The following MSRB3 variants were observed in gnomAD, a reference collection of about 807,000 sequenced individuals.
MSRB3 encodes methionine-R-sulfoxide reductase B3.
A neutral mutation model predicts 21.0 loss-of-function variants in MSRB3; 13 were observed. That is an observed-to-expected ratio of 0.62 (90% CI 0.40 to 0.98). The LOEUF (loss-of-function observed/expected upper bound fraction) is 0.98, where lower values mean the gene tolerates loss of function less well. Among genes scored for constraint, MSRB3 ranks in the 50% least tolerant of loss-of-function variants. The pLI is 0.00. For synonymous variants in MSRB3, 87 were observed against 88.6 expected, an observed-to-expected ratio of 0.98 and a Z score of 0.10; for missense variants, 199 against 230.3, an observed-to-expected ratio of 0.86 and a Z score of 0.88.
At chr12:65,405,531 A>G (rs1229129257) in intron 5 of MSRB3, among the ~76,000 whole-genome samples, 1 of 152,020 alleles carries the variant, frequency 6.6e-6, no homozygotes. Flanking sequence ...GGCTATTATG[A>G]GTAATGCTGT....
At chr12:65,354,342 T>C (rs902391998) in intron 4 of MSRB3, among the ~76,000 whole-genome samples, 6 of 152,046 alleles carry the variant, frequency 3.9e-5, no homozygotes, top group African/African-American at 7.2e-5. Flanking sequence ...GTTCCATTCT[T>C]CCCGTCACTT....
chr12:65,360,136 G>A (rs1877618768), intron 4 of MSRB3, among the ~76,000 whole-genome samples: 1 of 152,008 alleles, frequency 6.6e-6, no homozygotes, highest in South Asian at 2.1e-4. Flanking sequence ...TTGGATTAGG[G>A]TCCCCCTGGA....
At chr12:65,393,849 T>A (rs1227679645) in intron 5 of MSRB3, among the ~76,000 whole-genome samples, 1 of 152,052 alleles carries the variant, frequency 6.6e-6, no homozygotes, top group East Asian at 1.9e-4. Context: ...TGGATGTGGG[T>A]ACTTCTAGAT....
chr12:65,453,804 G>A lies in MSRB3; in HGVS notation c.369G>A (p.Arg123=), dbSNP rs777748623. ...ATGACTTTTCCTATGGGATGCACAG[G>A]GTGGAAACAAGCTGCTCTCAGGTGA... ...FTDDFSYGMH[R]VETSCSQCGA... is the part of the protein sequence containing the mutation. Residue 123 remains arginine, a synonymous_variant, in exon 6 of 7, where the codon AGG becomes AGA. Transcript: ENST00000308259. 6.2e-7 allele frequency: 1 copy of A among 1,614,006 alleles called. No individual in the cohort carries two copies. Among genetic ancestry groups the A allele is most frequent in the Non-Finnish European group, 8.5e-7 (1 of 1,179,942 alleles).
At chr12:65,349,407 C>T (rs1426577219) in intron 4 of MSRB3, among the ~76,000 whole-genome samples, 1 of 151,854 alleles carries the variant, frequency 6.6e-6, no homozygotes, top group African/African-American at 2.4e-5. Context: ...GATTTATAGT[C>T]CTTTGGGTAT....
In MSRB3 at chr12:65,422,136, G is replaced by GACATTT. The variant is rs562583164; in HGVS notation, c.293-31592_293-31591insACATTT. ...ACAAAGATCAAAAAAGACAAAGAAGGGCATTACATAATGGCAAAGGGCTCA... is the reference window on the plus strand; with the variant it reads ...ACAAAGATCAAAAAAGACAAAGAAGGACATTTGCATTACATAATGGCAAAGGGCTCA... On this transcript the variant is annotated intron_variant, in intron 5 of 6. Transcript: ENST00000308259. 6.0e-3 allele frequency among the ~76,000 whole-genome samples: 905 copies of GACATTT among 151,568 alleles called. 17 individuals carry two copies. The highest frequency in any genetic ancestry group is 0.021 in the African/African-American group (875 of 41,282).
At chr12:65,422,421 TATA>T (rs1565885129) in intron 5 of MSRB3, among the ~76,000 whole-genome samples, 3 of 79,282 alleles carry the variant, frequency 3.8e-5, no homozygotes, top group Admixed American at 1.3e-4. Flanking sequence ...TATATATATA[TATA>T]TATATATTTA....
At chr12:65,335,079 A>G (rs1875673589) in intron 4 of MSRB3, among the ~76,000 whole-genome samples, 1 of 152,194 alleles carries the variant, frequency 6.6e-6, no homozygotes, top group Non-Finnish European at 1.5e-5. Flanking sequence ...CCTGCTGAAT[A>G]TCAGGCCAGA....
intron 5 of MSRB3, among the ~76,000 whole-genome samples, chr12:65,383,746 C>T (rs951357702): frequency 1.8e-4 from 27 of 151,556 alleles, no homozygotes; most frequent in Non-Finnish European, 3.4e-4. Flanking sequence ...CTCCAACCTC[C>T]GCCTCCCTGG....
intron 1 of MSRB3, 59 bp from the exon 2 acceptor site, chr12:65,308,470 G>A: frequency 6.3e-7 from 1 of 1,582,454 alleles, no homozygotes; most frequent in Non-Finnish European, 8.6e-7. Context: ...TGCAATGAAT[G>A]TGTTTAATAT....
chr12:65,443,032 A>G (rs545694195), intron 5 of MSRB3, among the ~76,000 whole-genome samples: 22 of 152,118 alleles, frequency 1.4e-4, no homozygotes, highest in Admixed American at 9.2e-4. Flanking sequence ...ACAAAGGGAA[A>G]TAGGGAAGCT....
chr12:65,427,213 G>A (rs1431949097), intron 5 of MSRB3, among the ~76,000 whole-genome samples: 3 of 152,096 alleles, frequency 2.0e-5, no homozygotes, highest in South Asian at 4.1e-4. Context: ...TTTTATTGGG[G>A]GCTTCCAGGG....
chr12:65,289,864 C>CAAAA (rs1266210339), intron 1 of MSRB3, among the ~76,000 whole-genome samples: 5 of 152,130 alleles, frequency 3.3e-5, no homozygotes, highest in Non-Finnish European at 5.9e-5. Flanking sequence ...CTTCAAAGGC[C>CAAAA]ATGATCACAT....
At chr12:65,368,018 C>A (rs1878110662) in intron 4 of MSRB3, among the ~76,000 whole-genome samples, 1 of 152,122 alleles carries the variant, frequency 6.6e-6, no homozygotes, top group East Asian at 1.9e-4. Flanking sequence ...AAGGAAGCTT[C>A]TTGCTTATCC....
At chr12:65,335,534 T>G (rs754101663) in intron 4 of MSRB3, among the ~76,000 whole-genome samples, 3 of 152,220 alleles carry the variant, frequency 2.0e-5, no homozygotes, top group Non-Finnish European at 4.4e-5. Flanking sequence ...CACTCAACTG[T>G]GCTACTTCAT....
chr12:65,319,420 T>C (rs963689555), intron 2 of MSRB3, among the ~76,000 whole-genome samples: 6 of 152,132 alleles, frequency 3.9e-5, no homozygotes, highest in Admixed American at 1.3e-4. Context: ...GCTGTTGGTA[T>C]TATTTGAGTT....
rs999108463 is a variant in MSRB3, at chr12:65,464,951, A to G, written c.*1629A>G. 6.6e-6 allele frequency: 1 copy of G among 152,236 alleles called. No individual in the cohort carries two copies. Among genetic ancestry groups the G allele is most frequent in the African/African-American group, 2.4e-5 (1 of 41,464 alleles). 9.4% of individuals were successfully genotyped at this position (152,236 alleles called of 1,614,324 possible). On this transcript the variant is annotated 3_prime_UTR_variant, in exon 7 of 7. Coordinates refer to ENST00000308259, the MANE Select transcript of MSRB3 (RefSeq NM_001031679.3). ...AAACTGGGACTCATAATATTTGTAAAATGTATTGATACTCTCAGGGCAAAT... is the reference window on the plus strand; with the variant it reads ...AAACTGGGACTCATAATATTTGTAAGATGTATTGATACTCTCAGGGCAAAT...
chr12:65,339,713 A>G (rs1876016215), intron 4 of MSRB3, among the ~76,000 whole-genome samples: 2 of 152,186 alleles, frequency 1.3e-5, no homozygotes, highest in South Asian at 2.1e-4. Flanking sequence ...AATAATGGCT[A>G]TGTTTAGCAG....
At chr12:65,397,747 A>C (rs117505816) in intron 5 of MSRB3, among the ~76,000 whole-genome samples, 1,570 of 152,064 alleles carry the variant, frequency 0.01, 12 homozygotes, top group Middle Eastern at 0.031. Flanking sequence ...TCCTGATGCT[A>C]TCTCTCCCCT....
Sources: allele counts gnomAD v4.1 joint callset (sites outside exome capture counted in the v4.1 genomes callset), GRCh38; gene constraint gnomAD v4.1.1; transcripts MANE v1.5; gene names NCBI Gene and HGNC (gene_info 2026-07-23, HGNC 2026-07-21).